Variants in PKHD1 observed in about 807,000 individuals in gnomAD.
PKHD1 encodes fibrocystin.
Under a neutral mutation model 412.0 loss-of-function variants are expected in PKHD1, and 291 were observed. The observed-to-expected ratio is 0.71, with a 90% CI of 0.64 to 0.78. The LOEUF (loss-of-function observed/expected upper bound fraction) is 0.78. Ranked by LOEUF, PKHD1 falls within the 30% of genes least tolerant of loss-of-function variation. PKHD1 has a pLI of 0.00. For missense variants in PKHD1, 4,825 were observed against 4,950.7 expected (o/e 0.97, Z 0.76); for synonymous variants, 1,777 against 1,821.5 (o/e 0.98, Z 0.62).
At chr6:51,994,564 T>TTTG (rs750151238) in intron 35 of PKHD1, among the ~76,000 whole-genome samples, 1 of 152,000 alleles carries the variant, frequency 6.6e-6, no homozygotes, top group South Asian at 2.1e-4. Context: ...TTTTTTTGGG[T>TTTG]TTGTTGTTGT....
intron 28 of PKHD1, among the ~76,000 whole-genome samples, chr6:52,034,740 CTAAG>C (rs1335494259): frequency 3.9e-5 from 6 of 152,156 alleles, no homozygotes; most frequent in African/African-American, 1.4e-4. Flanking sequence ...TAGAAATTAT[CTAAG>C]TGTCTGGTAA....
At chr6:51,868,551 C>T (rs1775457137) in intron 47 of PKHD1, among the ~76,000 whole-genome samples, 1 of 152,104 alleles carries the variant, frequency 6.6e-6, no homozygotes. Context: ...AATTATCTCA[C>T]CCAAAATGCC....
At chr6:52,070,533 A>C (rs1265100903) in intron 9 of PKHD1, 88 bp from the exon 10 acceptor site, 3 of 909,992 alleles carry the variant, frequency 3.3e-6, no homozygotes, top group Non-Finnish European at 5.5e-6. Context: ...AAAGACTCCA[A>C]TATCATCAAA....
At chr6:51,728,459 A>G (rs141532642) in intron 60 of PKHD1, among the ~76,000 whole-genome samples, 1 of 152,316 alleles carries the variant, frequency 6.6e-6, no homozygotes, top group African/African-American at 2.4e-5. Flanking sequence ...GCTAGCATGG[A>G]TAATAAACCA....
rs775343321 is a variant in PKHD1 at position 51,626,954 on chromosome 6, G to A, written c.11785+43C>T. ...GAGAGGGAGGCTCAGACCATCCACA[G>A]TGGGTCTCTCCTGTGGGGATCATCT... On this transcript the variant is annotated intron_variant, in intron 66 of 66. Transcript: ENST00000371117. 3.1e-6 allele frequency: 5 copies of A among 1,609,472 alleles called. No individual in the cohort carries two copies. In the South Asian group the frequency reaches 3.3e-5, roughly 11 times the overall value.
At chr6:52,071,837 G>C (rs1191618319) in intron 8 of PKHD1, among the ~76,000 whole-genome samples, 2 of 152,124 alleles carry the variant, frequency 1.3e-5, no homozygotes, top group South Asian at 4.1e-4. Context: ...TCAATGTAAA[G>C]CATTCGAGCA....
intron 35 of PKHD1, among the ~76,000 whole-genome samples, chr6:51,974,266 A>G (rs1358984141): frequency 6.6e-6 from 1 of 152,192 alleles, no homozygotes; most frequent in African/African-American, 2.4e-5. Context: ...ACATTTTTTA[A>G]TCAATCACCA....
At chr6:51,783,429 A>G (rs1792355728) in intron 53 of PKHD1, among the ~76,000 whole-genome samples, 1 of 36,550 alleles carries the variant, frequency 2.7e-5, no homozygotes, top group Non-Finnish European at 7.8e-5. Flanking sequence ...AATAATTAAT[A>G]CAAATGTATT....
chr6:51,752,164 T>C (rs1786209039), intron 57 of PKHD1, among the ~76,000 whole-genome samples: 1 of 152,188 alleles, frequency 6.6e-6, no homozygotes, highest in Non-Finnish European at 1.5e-5. Flanking sequence ...CTTAAAAGAA[T>C]GGTTCAATTC....
chr6:51,766,720 T>TA (rs993804640), intron 55 of PKHD1, among the ~76,000 whole-genome samples: 7 of 151,760 alleles, frequency 4.6e-5, no homozygotes, highest in African/African-American at 1.7e-4. Context: ...TTATTATACT[T>TA]TAAGTTTTAG....
intron 58 of PKHD1, 39 bp from the exon 59 acceptor site, chr6:51,746,928 AT>A: frequency 3.3e-6 from 4 of 1,195,660 alleles, no homozygotes; most frequent in Non-Finnish European, 3.6e-6. Context: ...ATTATATCAT[AT>A]AAACCACCAG....
chr6:51,747,855 T>C lies in PKHD1; in HGVS notation c.9761A>G (p.Gln3254Arg). Residue 3254 changes from glutamine (Q) to arginine (R), a missense_variant, in exon 58 of 67, where the codon CAG becomes CGG. Coordinates refer to ENST00000371117, the MANE Select transcript of PKHD1 (RefSeq NM_138694.4). ...LWPVFTSEPNQWPQEPWHKVR... is the reference protein window; with the variant it reads ...LWPVFTSEPNRWPQEPWHKVR... ...TTTGTGCCATGGCTCCTGAGGCCAC[T>C]GATTTGGTTCTGAGGTGAATACAGG... 2 of 1,613,824 alleles carry C rather than the reference T, an allele frequency of 1.2e-6. No homozygotes were observed.
At chr6:51,858,704 T>C (rs1459759654) in intron 48 of PKHD1, among the ~76,000 whole-genome samples, 1 of 152,150 alleles carries the variant, frequency 6.6e-6, no homozygotes, top group Non-Finnish European at 1.5e-5. Flanking sequence ...TGATTGACCA[T>C]AAGAAATAAA....
chr6:51,901,823 G>A (rs961094353), intron 43 of PKHD1, among the ~76,000 whole-genome samples: 2 of 151,050 alleles, frequency 1.3e-5, no homozygotes, highest in Non-Finnish European at 3.0e-5. Flanking sequence ...TTCTAATTTT[G>A]TAAAGCAGAT....
intron 34 of PKHD1, among the ~76,000 whole-genome samples, chr6:52,016,720 TAAA>T (rs529120633): frequency 6.6e-6 from 1 of 151,696 alleles, no homozygotes; most frequent in Non-Finnish European, 1.5e-5. Context: ...ACGTAAGACA[TAAA>T]GAAGTTTACA....
chr6:51,803,596 C>T (rs2225051), intron 52 of PKHD1, among the ~76,000 whole-genome samples: 90,947 of 151,276 alleles, frequency 0.6, 28,419 homozygotes, highest in East Asian at 0.83. Context: ...AATACATTTG[C>T]TCATTCATCC....
chr6:52,032,931 T>C (rs1803290064), intron 29 of PKHD1, 99 bp downstream of exon 29: 1 of 1,161,688 alleles, frequency 8.6e-7, no homozygotes, highest in South Asian at 1.3e-5. Flanking sequence ...AGAAAAAACT[T>C]AAATCCAAAA....
In PKHD1 at chr6:51,920,173, C is replaced by A. The variant is rs150837692; in HGVS notation, c.6122-7597G>T. 8.7e-3 allele frequency among the ~76,000 whole-genome samples: 1,326 copies of A among 152,286 alleles called. 22 individuals carry two copies. Among genetic ancestry groups the A allele is most frequent in the African/African-American group, 0.029 (1,204 of 41,564 alleles). ...AACTTCCAACACTATGTTGAATAGGCGTGGTGAGAGAGGGCATCCCTGTCT... is the reference window on the plus strand; with the variant it reads ...AACTTCCAACACTATGTTGAATAGGAGTGGTGAGAGAGGGCATCCCTGTCT... On this transcript the variant is annotated intron_variant, in intron 37 of 66. Transcript: ENST00000371117.
intron 35 of PKHD1, among the ~76,000 whole-genome samples, chr6:51,969,602 C>T (rs140631326): frequency 0.01 from 1,580 of 152,244 alleles, 17 homozygotes; most frequent in South Asian, 0.021. Context: ...TCCACTATAT[C>T]CATGTGTACA....
Sources: allele counts gnomAD v4.1 joint callset (sites outside exome capture counted in the v4.1 genomes callset), GRCh38; gene constraint gnomAD v4.1.1; transcripts MANE v1.5; gene names NCBI Gene and HGNC (gene_info 2026-07-23, HGNC 2026-07-21).